Variants in ZEB1 observed in about 807,000 individuals in gnomAD.
ZEB1 encodes zinc finger E-box-binding homeobox 1.
Under a neutral mutation model 84.9 loss-of-function variants are expected in ZEB1, and 21 were observed. The observed-to-expected ratio is 0.25, with a 90% CI of 0.18 to 0.36. The LOEUF is 0.36. Among genes scored for constraint, ZEB1 ranks in the 10% least tolerant of loss-of-function variants. The pLI, the probability that ZEB1 is intolerant of heterozygous loss-of-function variation, is 1.00. For synonymous variants in ZEB1, 420 were observed against 471.1 expected, an observed-to-expected ratio of 0.89 and a Z score of 1.41; for missense variants, 1,104 against 1,330.2, an observed-to-expected ratio of 0.83 and a Z score of 2.65.
chr10:31,348,477 T>A (rs1403766535), intron 1 of ZEB1, among the ~76,000 whole-genome samples: 2 of 152,116 alleles, frequency 1.3e-5, no homozygotes, highest in African/African-American at 2.4e-5. Context: ...GACAGGAGAA[T>A]CACTTGCACC....
In ZEB1 at chr10:31,521,314, A is replaced by G. The variant is rs150228807; in HGVS notation, c.1982A>G (p.Asp661Gly). ...GTAAATATCCCTGCCAAGAACAATG[A>G]TCAGCCTCAATCTGCAAATGCAAAT... The part of the protein sequence containing the change: ...GKVNIPAKNN[D>G]QPQSANANEP... The change falls in exon 7 of 9, where the codon GAT (aspartate) becomes GGT (glycine). Residue 661 changes from aspartate to glycine, a missense_variant. Around this residue, in one of 7 missense-constraint regions of ZEB1, gnomAD observed 531 missense variants for 575.2 expected, o/e 0.92. Transcript: ENST00000424869. The G allele has an allele frequency of 4.0e-5, 64 of 1,614,106 alleles. No individual in the cohort carries two copies. In the African/African-American group the frequency reaches 8.4e-4, roughly 21 times the overall value.
intron 1 of ZEB1, among the ~76,000 whole-genome samples, chr10:31,423,350 G>A (rs989513910): frequency 2.0e-5 from 3 of 152,078 alleles, no homozygotes; most frequent in Non-Finnish European, 4.4e-5. Flanking sequence ...CAGAACAGAG[G>A]TGACTAATTT....
intron 1 of ZEB1, among the ~76,000 whole-genome samples, chr10:31,334,629 A>G (rs1318231039): frequency 6.6e-6 from 1 of 152,130 alleles, no homozygotes; most frequent in Non-Finnish European, 1.5e-5. Context: ...AAACAATGCA[A>G]CTAAAAATAG....
chr10:31,383,892 CT>C (rs1564665697), intron 1 of ZEB1, among the ~76,000 whole-genome samples: 2 of 148,236 alleles, frequency 1.3e-5, no homozygotes, highest in Non-Finnish European at 3.0e-5. Context: ...AGAATTAAAA[CT>C]GGAAATTGGA....
rs1449570641 is a variant in ZEB1, at chr10:31,520,288, C to G, written c.956C>G (p.Ala319Gly). ...CAGTGTTCTTCACCGTCTCTTTCAG[C>G]ATCACCAGGCAGTCCCACACGACCA... Reference protein sequence around the residue: ...TSQCSSPSLSASPGSPTRPQI... With the variant: ...TSQCSSPSLSGSPGSPTRPQI... Residue 319 changes from alanine (A) to glycine (G), a missense_variant, in exon 7 of 9, where the codon GCA (alanine) becomes GGA (glycine). Coordinates refer to ENST00000424869, the MANE Select transcript of ZEB1 (RefSeq NM_001174096.2). The surrounding 1 kb of genome is among the most constrained non-coding windows in gnomAD (Gnocchi z 5.1). The G allele has an allele frequency of 6.2e-7, 1 of 1,613,838 alleles. No individual in the cohort carries two copies. The highest frequency in any genetic ancestry group is 1.3e-5 in the African/African-American group (1 of 74,898).
intron 1 of ZEB1, chr10:31,362,950 T>G: frequency 6.5e-7 from 1 of 1,533,680 alleles, no homozygotes; most frequent in Middle Eastern, 2.3e-4. Context: ...TTGGGAAGCC[T>G]GACCCACCAA....
At chr10:31,448,724 A>C (rs1037355054) in intron 1 of ZEB1, among the ~76,000 whole-genome samples, 21 of 152,158 alleles carry the variant, frequency 1.4e-4, no homozygotes, top group Admixed American at 6.5e-4. Flanking sequence ...TTAGGCTGCT[A>C]AGGGGTCAGG....
rs562598106 is a variant in ZEB1, at chr10:31,411,546, G to A, written c.59-49491G>A. ...ACTCGGGAGGCTGATGCAGGAGAATGGCGTGAACCTGGGAAGCGGAGCTTG... is the reference window on the plus strand; with the variant it reads ...ACTCGGGAGGCTGATGCAGGAGAATAGCGTGAACCTGGGAAGCGGAGCTTG... On this transcript the variant is annotated intron_variant, in intron 1 of 8. Transcript: ENST00000424869. Among the ~76,000 whole-genome samples the A allele has an allele frequency of 4.0e-5, 6 of 151,858 alleles. No individual in the cohort carries two copies. In the East Asian group the frequency reaches 1.2e-3, roughly 29 times the overall value.
At chr10:31,495,981 A>T in intron 3 of ZEB1, 143 bp downstream of exon 3, 1 of 816,760 alleles carries the variant, frequency 1.2e-6, no homozygotes. Flanking sequence ...ACTTAGGCAT[A>T]TGGTGCACTA....
At chr10:31,369,117 A>G (rs1305259936) in intron 1 of ZEB1, among the ~76,000 whole-genome samples, 1 of 152,174 alleles carries the variant, frequency 6.6e-6, no homozygotes, top group Non-Finnish European at 1.5e-5. Context: ...TCATAATTGC[A>G]TACATTTATG....
intron 1 of ZEB1, among the ~76,000 whole-genome samples, chr10:31,459,059 A>G (rs572490726): frequency 1.6e-4 from 25 of 152,276 alleles, no homozygotes; most frequent in Admixed American, 1.4e-3. Flanking sequence ...ACAGTTGGGC[A>G]AATCATAACA....
At chr10:31,356,452 T>G (rs1357880905) in intron 1 of ZEB1, among the ~76,000 whole-genome samples, 1 of 152,130 alleles carries the variant, frequency 6.6e-6, no homozygotes. Context: ...TATTGGTTGA[T>G]TGATTGAAAC....
intron 1 of ZEB1, among the ~76,000 whole-genome samples, chr10:31,328,868 A>T (rs1394919854): frequency 1.3e-5 from 2 of 152,160 alleles, no homozygotes; most frequent in African/African-American, 4.8e-5. Flanking sequence ...TAGTCTAAGC[A>T]ACATGGAGTC....
intron 1 of ZEB1, chr10:31,387,369 C>A: frequency 4.3e-6 from 4 of 939,226 alleles, no homozygotes; most frequent in Non-Finnish European, 5.1e-6. Flanking sequence ...GACGTTCGCA[C>A]AGAAGGGAGG....
chr10:31,387,057 T>G (rs1431410386), intron 1 of ZEB1: 1 of 978,078 alleles, frequency 1.0e-6, no homozygotes, highest in Non-Finnish European at 1.2e-6. Context: ...TTTTGTAATA[T>G]AGAAGATAAG....
intron 2 of ZEB1, among the ~76,000 whole-genome samples, chr10:31,471,154 A>C (rs920400570): frequency 7.8e-6 from 1 of 127,784 alleles, no homozygotes; most frequent in Non-Finnish European, 1.6e-5. Flanking sequence ...AACTGCATGA[A>C]CTAACGAGCA....
intron 1 of ZEB1, among the ~76,000 whole-genome samples, chr10:31,357,984 A>AAT (rs1554820423): frequency 6.6e-6 from 1 of 152,154 alleles, no homozygotes; most frequent in East Asian, 1.9e-4. Context: ...TCTCATGGGC[A>AAT]ATATAGGTTC....
intron 1 of ZEB1, among the ~76,000 whole-genome samples, chr10:31,412,056 A>C (rs1274346861): frequency 1.3e-5 from 2 of 152,234 alleles, no homozygotes; most frequent in Non-Finnish European, 2.9e-5. Context: ...AATTGTAAAA[A>C]GGATGCAGAG....
At position 31,387,647 on chromosome 10, in the gene ZEB1, T is replaced by G. The variant is rs141271075; in HGVS notation, c.58+68355T>G. The G allele has an allele frequency of 2.4e-5, 15 of 636,094 alleles. No homozygotes were observed. The Admixed American group carries it at 2.5e-4, about 11-fold the overall frequency. 39.4% of individuals were successfully genotyped at this position (636,094 alleles called of 1,614,324 possible). ...TAGGCAATCTAGTGACATAATAGCTTCAGTTGATAGAGCCAGCTGTGAAGA... is the reference window on the plus strand; with the variant it reads ...TAGGCAATCTAGTGACATAATAGCTGCAGTTGATAGAGCCAGCTGTGAAGA... On this transcript the variant is annotated intron_variant, in intron 1 of 8. Transcript: ENST00000424869.
Sources: allele counts gnomAD v4.1 joint callset (sites outside exome capture counted in the v4.1 genomes callset), GRCh38; gene constraint gnomAD v4.1.1; regional missense constraint gnomAD v4.1.1; non-coding constraint Gnocchi (gnomAD v3.1); transcripts MANE v1.5; gene names NCBI Gene and HGNC (gene_info 2026-07-23, HGNC 2026-07-21).